ADAMTS7: variants seen among roughly 807,000 people sequenced by gnomAD.
ADAMTS7 encodes A disintegrin and metalloproteinase with thrombospondin motifs 7.
Under a neutral mutation model 172.6 loss-of-function variants are expected in ADAMTS7, and 89 were observed. The ratio of observed to expected loss-of-function variants is 0.52; its 90% CI spans 0.43 to 0.61. ADAMTS7 has a LOEUF of 0.61. Among genes scored for constraint, ADAMTS7 ranks in the 20% least tolerant of loss-of-function variants. The probability of loss-of-function intolerance (pLI) is 0.00; values close to 1 mark genes in which losing one functional copy is unlikely to be tolerated. For missense variants in ADAMTS7, 1,973 were observed against 2,355.6 expected (o/e 0.84, Z 3.36); for synonymous variants, 885 against 978.4 (o/e 0.90, Z 1.78).
intron 8 of ADAMTS7, among the ~76,000 whole-genome samples, chr15:78,783,104 C>A (rs2055454207): frequency 6.6e-6 from 1 of 152,202 alleles, no homozygotes; most frequent in Non-Finnish European, 1.5e-5. Flanking sequence ...AACTGAATCA[C>A]TCAGAAAAAT....
At chr15:78,794,768 A>G (rs573794477) in intron 4 of ADAMTS7, among the ~76,000 whole-genome samples, 19 of 152,220 alleles carry the variant, frequency 1.2e-4, no homozygotes, top group Non-Finnish European at 2.4e-4. Flanking sequence ...CCCAGGCAGG[A>G]GTGCAGTGGC....
intron 14 of ADAMTS7, among the ~76,000 whole-genome samples, chr15:78,772,689 A>C (rs1056377361): frequency 6.6e-6 from 1 of 152,250 alleles, no homozygotes; most frequent in Non-Finnish European, 1.5e-5. Context: ...CCCCTCCAGG[A>C]CTAAGCGCTT....
At chr15:78,776,980 T>A (rs2055356907) in intron 9 of ADAMTS7, 139 bp from the exon 10 acceptor site, 2 of 694,244 alleles carry the variant, frequency 2.9e-6, no homozygotes, top group Non-Finnish European at 4.8e-6. Context: ...AGGTTCCTTC[T>A]TGTGTGCCTG....
At position 78,767,489 on chromosome 15, in the gene ADAMTS7, T is replaced by C; in HGVS notation, c.2749A>G (p.Ser917Gly). Residue 917 changes from serine (S) to glycine (G), a missense_variant, in exon 18 of 24, where the codon AGC (serine) becomes GGC (glycine). Physicochemically the swap from Ser to Gly is moderately conservative, Grantham distance 56 (BLOSUM62 0). Transcript: ENST00000388820. ...CIRSVGLDEQ[S>G]ALEPPACEHL... ...TCACAGGCGGGTGGCTCCAGGGCGC[T>C]CTGCTCATCCAGCCCCACGCTGCGG... 1 of 1,610,586 alleles carries C rather than the reference T, an allele frequency of 6.2e-7. No homozygotes were observed. The highest frequency in any genetic ancestry group is 8.5e-7 in the Non-Finnish European group (1 of 1,179,480).
intron 1 of ADAMTS7, among the ~76,000 whole-genome samples, chr15:78,803,000 A>AAAAT (rs1364429487): frequency 6.6e-6 from 1 of 152,226 alleles, no homozygotes; most frequent in East Asian, 1.9e-4. Flanking sequence ...CTGCCACAAA[A>AAAAT]AAATAAATAA....
chr15:78,785,718 G>T (rs1308850295), intron 8 of ADAMTS7, among the ~76,000 whole-genome samples: 4 of 152,178 alleles, frequency 2.6e-5, no homozygotes, highest in African/African-American at 9.7e-5. Context: ...TGTACAGGAA[G>T]TGATGCAAGG....
Position 78,767,424 on chromosome 15 carries a change from G to A in ADAMTS7, c.2814C>T (p.Arg938=). 1 of 1,611,886 alleles carries A rather than the reference G, an allele frequency of 6.2e-7. No homozygotes were observed. The highest frequency in any genetic ancestry group is 1.3e-5 in the African/African-American group (1 of 74,992). ...PRPPTETPCN[R]HVPCPATWAV... is the part of the protein sequence containing the mutation. ...CCCAGGTGGCCGGACAGGGTACATG[G>A]CGGTTGCAAGGGGTTTCAGTAGGGG... The change falls in exon 18 of 24, where the codon CGC becomes CGT. Residue 938 remains arginine (R), a synonymous_variant. Transcript: ENST00000388820.
In ADAMTS7 at chr15:78,766,689, C is replaced by A; in HGVS notation, c.3222G>T (p.Glu1074Asp). Residue 1074 changes from glutamate (E) to aspartate (D), a missense_variant, in exon 19 of 24, where the codon GAG (glutamate) becomes GAT (aspartate). Glu to Asp is a conservative substitution (Grantham distance 45). Transcript: ENST00000388820. ...YYDYNFINFH[E>D]DLSYGPSEEP... is the part of the protein sequence containing the mutation. The stretch of plus-strand genomic sequence containing the variant: ...CCTCAGAGGGCCCGTAGGACAGATC[C>A]TCGTGGAAATTGATGAAATTGTAGT... The A allele has an allele frequency of 6.2e-7, 1 of 1,610,948 alleles. No homozygotes were observed. The highest frequency in any genetic ancestry group is 8.5e-7 in the Non-Finnish European group (1 of 1,179,832).
chr15:78,789,831 G>A lies in ADAMTS7; in HGVS notation c.1036C>T (p.Leu346=), dbSNP rs569476275. ...DTAILLTRKD[L]CAAMNRPCET... ...CAGGGCCGGTTCATGGCTGCACACA[G>A]GTCCTTTCTGCACAGGCAAAGAAGC... The change falls in exon 7 of 24, where the codon CTG becomes TTG. Residue 346 remains leucine (L), a synonymous_variant. Coordinates refer to ENST00000388820, the MANE Select transcript of ADAMTS7 (RefSeq NM_014272.5). 19 of 1,589,946 alleles carry A rather than the reference G, an allele frequency of 1.2e-5. No homozygotes were observed. Among genetic ancestry groups the A allele is most frequent in the Non-Finnish European group, 1.5e-5 (18 of 1,168,634 alleles).
intron 11 of ADAMTS7, among the ~76,000 whole-genome samples, 154 bp downstream of exon 11, chr15:78,776,034 G>C (rs1187509047): frequency 1.3e-5 from 2 of 152,218 alleles, no homozygotes; most frequent in African/African-American, 4.8e-5. Context: ...AACACTCCTT[G>C]AAAGTGACTT....
At chr15:78,764,303 G>A (rs2055103083) in intron 20 of ADAMTS7, among the ~76,000 whole-genome samples, 1 of 152,276 alleles carries the variant, frequency 6.6e-6, no homozygotes, top group Non-Finnish European at 1.5e-5. Flanking sequence ...GACAGACAGA[G>A]AAAGGGAGGA....
At chr15:78,798,710 G>A (rs904392747) in intron 2 of ADAMTS7, among the ~76,000 whole-genome samples, 11 of 152,194 alleles carry the variant, frequency 7.2e-5, no homozygotes, top group Non-Finnish European at 1.6e-4. Flanking sequence ...TCTTGGACAT[G>A]TCCGCCAGCA....
chr15:78,811,215 G>T lies in ADAMTS7; in HGVS notation c.6C>A (p.Pro2=). The T allele has an allele frequency of 8.1e-7, 1 of 1,228,024 alleles. No homozygotes were observed. Among genetic ancestry groups the T allele is most frequent in the Non-Finnish European group, 1.0e-6 (1 of 985,504 alleles). The allele number at this position is 1,228,024 out of a possible 1,614,324, so 76.1% of individuals were successfully genotyped here. The part of the protein sequence containing the change: M[P]GGPSPRSPAP... ...CGGGGCTGCGGGGACTGGGGCCGCC[G>T]GGCATGGCAGGAACCGGGCGGCCGC... The change falls in exon 1 of 24, where the codon CCC becomes CCA. Residue 2 remains proline, a synonymous_variant. Transcript: ENST00000388820.
Position 78,800,489 on chromosome 15 carries a change from C to A in ADAMTS7, c.159G>T (p.Ala53=). 6 of 1,609,110 alleles carry A rather than the reference C, an allele frequency of 3.7e-6. No homozygotes were observed. Among genetic ancestry groups the A allele is most frequent in the Non-Finnish European group, 5.1e-6 (6 of 1,178,356 alleles). Residue 53 remains alanine (A), a synonymous_variant, in exon 2 of 24, where the codon GCG becomes GCT. Coordinates refer to ENST00000388820, the MANE Select transcript of ADAMTS7 (RefSeq NM_014272.5). ...GCTCGTAGGACAGGAAGGAGCCCCCCGCGTCGACTCGAACCGGGTGCACGA... is the reference window on the plus strand; with the variant it reads ...GCTCGTAGGACAGGAAGGAGCCCCCAGCGTCGACTCGAACCGGGTGCACGA... The part of the protein sequence containing the change: ...LDIVHPVRVD[A]GGSFLSYELW...
rs376405005 is a variant in ADAMTS7 at position 78,768,264 on chromosome 15, G to A, written c.2519-5C>T. 6.2e-6 allele frequency: 10 copies of A among 1,610,352 alleles called. No individual in the cohort carries two copies. In the African/African-American group the frequency reaches 1.1e-4, roughly 17 times the overall value. On this transcript the variant is annotated splice_region_variant and splice_polypyrimidine_tract_variant and intron_variant, in intron 16 of 23. Coordinates refer to ENST00000388820, the MANE Select transcript of ADAMTS7 (RefSeq NM_014272.5). Reference sequence around the variant, plus strand: ...ACACATTCTGCCTCTGCACACCTAGGGGCCACGGGGCTCAGCCTGGGACTG... The same window carrying A: ...ACACATTCTGCCTCTGCACACCTAGAGGCCACGGGGCTCAGCCTGGGACTG...
chr15:78,779,912 G>C (rs1405245995), intron 8 of ADAMTS7, among the ~76,000 whole-genome samples: 1 of 148,772 alleles, frequency 6.7e-6, no homozygotes, highest in East Asian at 2.0e-4. Context: ...GCCCACCCTG[G>C]GTGTGTGGGA....
Position 78,762,440 on chromosome 15 carries a change from C to T in ADAMTS7, c.4866G>A (p.Pro1622=), listed in dbSNP as rs371264686. 2.4e-5 allele frequency: 37 copies of T among 1,541,550 alleles called. No homozygotes were observed. The highest frequency in any genetic ancestry group is 1.2e-4 in the East Asian group (5 of 40,608). Residue 1622 remains proline (P), a synonymous_variant, in exon 23 of 24, where the codon CCG becomes CCA. Transcript: ENST00000388820. ...GHEAWPESSR[P]CGTEDCEPVE... ...CGGGCTCACAATCCTCGGTGCCACACGGCCGGGAGCTCTCAGGCCAGGCCT... is the reference window on the plus strand; with the variant it reads ...CGGGCTCACAATCCTCGGTGCCACATGGCCGGGAGCTCTCAGGCCAGGCCT...
intron 7 of ADAMTS7, among the ~76,000 whole-genome samples, chr15:78,788,642 C>A (rs530828138): frequency 3.9e-4 from 59 of 152,378 alleles, no homozygotes; most frequent in Non-Finnish European, 5.7e-4. Context: ...CCTGCCCCTG[C>A]CTGGGGGCCA....
chr15:78,774,039 C>A, intron 13 of ADAMTS7, 128 bp downstream of exon 13: 2 of 1,443,588 alleles, frequency 1.4e-6, no homozygotes, highest in African/African-American at 1.4e-5. Flanking sequence ...CCAGGAGGGA[C>A]CCAGGAGAGA....
Sources: gnomAD v4.1 joint callset for allele counts (sites outside exome capture counted in the v4.1 genomes callset) on GRCh38, gnomAD v4.1.1 for gene constraint, MANE v1.5 for transcripts, NCBI Gene and HGNC (gene_info 2026-07-23, HGNC 2026-07-21) for gene names.